ARHGAP22: variants seen among roughly 807,000 people sequenced by gnomAD.
ARHGAP22 encodes rho GTPase-activating protein 22.
Under a neutral mutation model 59.1 loss-of-function variants are expected in ARHGAP22, and 48 were observed. That is an observed-to-expected ratio of 0.81 (90% CI 0.64 to 1.03). The LOEUF is 1.03. Among genes scored for constraint, ARHGAP22 ranks in the 50% least tolerant of loss-of-function variants. The pLI, the probability that ARHGAP22 is intolerant of heterozygous loss-of-function variation, is 0.00. For missense variants in ARHGAP22, 1,015 were observed against 958.7 expected, an observed-to-expected ratio of 1.06 and a Z score of -0.78; for synonymous variants, 445 against 416.4, an observed-to-expected ratio of 1.07 and a Z score of -0.84.
intron 5 of ARHGAP22, among the ~76,000 whole-genome samples, chr10:48,456,979 T>C (rs1298517281): frequency 2.0e-5 from 3 of 151,976 alleles, no homozygotes; most frequent in Non-Finnish European, 2.9e-5. Flanking sequence ...CTCCCCAGCC[T>C]GTGGGCCTCC....
intron 3 of ARHGAP22, among the ~76,000 whole-genome samples, chr10:48,507,603 CTGCCCCACACCTCTGTG>C (rs1159195797): frequency 1.3e-5 from 2 of 152,158 alleles, no homozygotes; most frequent in Non-Finnish European, 2.9e-5. Flanking sequence ...AGTCTCCCTC[CTGCCCCACACCTCTGTG>C]TGCTGGGTCC....
intron 1 of ARHGAP22, among the ~76,000 whole-genome samples, chr10:48,622,478 A>G (rs2061318165): frequency 6.6e-6 from 1 of 152,166 alleles, no homozygotes; most frequent in Admixed American, 6.5e-5. Context: ...CAGTAACTGT[A>G]TATGTTTATG....
intron 2 of ARHGAP22, among the ~76,000 whole-genome samples, chr10:48,573,304 G>C (rs1430269963): frequency 6.6e-6 from 1 of 152,162 alleles, no homozygotes; most frequent in Non-Finnish European, 1.5e-5. Flanking sequence ...AGATAGGTGT[G>C]GTTATTCTCA....
chr10:48,588,024 A>G (rs1448994160), intron 1 of ARHGAP22, among the ~76,000 whole-genome samples: 1 of 152,252 alleles, frequency 6.6e-6, no homozygotes, highest in African/African-American at 2.4e-5. Context: ...TGAGAGCAGG[A>G]TCTTGCACAA....
At chr10:48,655,007 T>TTCCTCTCCCTCTCC (rs1565069519), upstream of ARHGAP22, among the ~76,000 whole-genome samples, 8 of 84,896 alleles carry the variant, frequency 9.4e-5, no homozygotes, top group African/African-American at 3.6e-4. Flanking sequence ...TCTCTTTCTT[T>TTCCTCTCCCTCTCC]CTCTTTCTTT....
At chr10:48,652,384 A>G in exon 1 of ARHGAP22, 1 of 988,432 alleles carries the variant, frequency 1.0e-6, no homozygotes, top group Non-Finnish European at 1.5e-6. Flanking sequence ...TTCCAGTAAC[A>G]GGAGATCCAC....
At chr10:48,515,250 C>T (rs976616407) in intron 3 of ARHGAP22, among the ~76,000 whole-genome samples, 12 of 151,952 alleles carry the variant, frequency 7.9e-5, no homozygotes, top group Non-Finnish European at 1.5e-4. Flanking sequence ...AAAAGATATA[C>T]CATAAAGACA....
chr10:48,569,904 G>A (rs1033999698), intron 2 of ARHGAP22, among the ~76,000 whole-genome samples: 2 of 152,198 alleles, frequency 1.3e-5, no homozygotes, highest in African/African-American at 4.8e-5. Flanking sequence ...GACAGTAGCA[G>A]AATTTTGCTG....
intron 2 of ARHGAP22, among the ~76,000 whole-genome samples, chr10:48,564,561 A>T (rs894434693): frequency 1.3e-5 from 2 of 152,228 alleles, no homozygotes; most frequent in African/African-American, 4.8e-5. Context: ...AAACAACGTT[A>T]AAGTTGAAAT....
intron 3 of ARHGAP22, among the ~76,000 whole-genome samples, chr10:48,525,573 AAAAC>A (rs1181834395): frequency 4.6e-5 from 7 of 152,242 alleles, no homozygotes; most frequent in African/African-American, 1.4e-4. Flanking sequence ...ATTCTGTCTC[AAAAC>A]AAACAAACAA....
chr10:48,604,722 C>T (rs2060583522), intron 1 of ARHGAP22, 41 bp downstream of exon 1: 1 of 1,614,208 alleles, frequency 6.2e-7, no homozygotes. Flanking sequence ...TGCCAAGAGG[C>T]ACATGCGGTG....
At chr10:48,494,784 C>T (rs926213469) in intron 3 of ARHGAP22, among the ~76,000 whole-genome samples, 5 of 152,150 alleles carry the variant, frequency 3.3e-5, no homozygotes, top group African/African-American at 1.2e-4. Flanking sequence ...CCAGGTCCCT[C>T]GGACCACCTC....
At chr10:48,654,642 GATAAGA>G (rs1227705887), upstream of ARHGAP22, among the ~76,000 whole-genome samples, 2 of 151,390 alleles carry the variant, frequency 1.3e-5, no homozygotes, top group African/African-American at 4.9e-5. Context: ...TTGCCCTAAG[GATAAGA>G]TACATGAGAC....
At chr10:48,577,804 T>TTTTTTTTTTTG (rs2058832978) in intron 2 of ARHGAP22, among the ~76,000 whole-genome samples, 1 of 50,492 alleles carries the variant, frequency 2.0e-5, no homozygotes, top group Non-Finnish European at 4.0e-5. Flanking sequence ...TTTTTTGGTT[T>TTTTTTTTTTTG]TTTTTTTTTT....
chr10:48,619,620 G>T (rs937509550), intron 1 of ARHGAP22, among the ~76,000 whole-genome samples: 8 of 152,070 alleles, frequency 5.3e-5, no homozygotes, highest in Non-Finnish European at 1.2e-4. Context: ...ATGATGTTGG[G>T]GGACACTGGA....
chr10:48,515,315 A>G (rs967444575), intron 3 of ARHGAP22, among the ~76,000 whole-genome samples: 1 of 152,232 alleles, frequency 6.6e-6, no homozygotes, highest in Non-Finnish European at 1.5e-5. Flanking sequence ...ATTGACTTTA[A>G]AACAAAAATG....
At chr10:48,527,481 ATGGATGGTTGGT>A (rs1346588734) in intron 3 of ARHGAP22, among the ~76,000 whole-genome samples, 1 of 108,374 alleles carries the variant, frequency 9.2e-6, no homozygotes, top group East Asian at 2.2e-4. Flanking sequence ...GGATGGGTGG[ATGGATGGTTGGT>A]TGGATGGAGG....
intron 1 of ARHGAP22, among the ~76,000 whole-genome samples, chr10:48,597,421 G>T (rs1029043097): frequency 6.6e-6 from 1 of 152,096 alleles, no homozygotes; most frequent in African/African-American, 2.4e-5. Flanking sequence ...GCTTAGCAGT[G>T]GGTGAGGAGA....
At chr10:48,513,265 T>C (rs1183833931) in intron 3 of ARHGAP22, among the ~76,000 whole-genome samples, 1 of 152,150 alleles carries the variant, frequency 6.6e-6, no homozygotes, top group Non-Finnish European at 1.5e-5. Flanking sequence ...GAAGGAGATA[T>C]CCACTGGGGG....
Sources: allele counts gnomAD v4.1 joint callset (sites outside exome capture counted in the v4.1 genomes callset), GRCh38; gene constraint gnomAD v4.1.1; transcripts MANE v1.5; gene names NCBI Gene and HGNC (gene_info 2026-07-23, HGNC 2026-07-21).